The following COLEC10 variants were observed in gnomAD, a reference collection of about 807,000 sequenced individuals.
COLEC10 encodes the protein collectin-10.
COLEC10 carries 22 observed loss-of-function variants against 28.4 expected under a neutral mutation model. The observed-to-expected ratio is 0.78, with a 90% CI of 0.55 to 1.11. COLEC10 has a LOEUF of 1.11. Among genes scored for constraint, COLEC10 ranks in the 50% least tolerant of loss-of-function variants. The pLI is 0.00. For missense variants in COLEC10, 361 were observed against 344.1 expected, an observed-to-expected ratio of 1.05 and a Z score of -0.39; for synonymous variants, 125 against 116.1, an observed-to-expected ratio of 1.08 and a Z score of -0.49.
chr8:119,102,778 G>T, intron 4 of COLEC10: 1 of 185,554 alleles, frequency 5.4e-6, no homozygotes, highest in Non-Finnish European at 1.1e-5. Flanking sequence ...GCAGCAGCCT[G>T]ACCAGATGCA....
Position 119,091,160 on chromosome 8 carries a change from G to A in COLEC10, c.232G>A (p.Glu78Lys). ...GRMGPKGIKG[E>K]LGDMGDQGNI... ...TGTTTGCTTTTCAGGAATTAAAGGA[G>A]AACTGGGTGATATGGGAGATCAGGG... Residue 78 changes from glutamate to lysine, a missense_variant, in exon 3 of 6, where the codon GAA becomes AAA. By Grantham distance (56) the Glu-to-Lys change is moderately conservative. Around this residue, in one of 3 missense-constraint regions of COLEC10, gnomAD observed 335 missense variants for 308.5 expected, o/e 1.09. Transcript: ENST00000332843. 2 of 1,612,848 alleles carry A rather than the reference G, an allele frequency of 1.2e-6. No individual in the cohort carries two copies. Among genetic ancestry groups the A allele is most frequent in the Non-Finnish European group, 1.7e-6 (2 of 1,179,178 alleles).
At chr8:118,992,501 C>A (rs534559891), upstream of COLEC10, among the ~76,000 whole-genome samples, 1 of 152,156 alleles carries the variant, frequency 6.6e-6, no homozygotes, top group Non-Finnish European at 1.5e-5. Flanking sequence ...AGGAAGCTTG[C>A]GATGGGCAGA....
upstream of COLEC10, among the ~76,000 whole-genome samples, chr8:119,065,920 A>C (rs1814946932): frequency 6.6e-6 from 1 of 152,116 alleles, no homozygotes; most frequent in Non-Finnish European, 1.5e-5. Flanking sequence ...TCATCCTGAA[A>C]GTATTTCCCC....
At chr8:118,975,692 T>A in the COLEC10 span, among the ~76,000 whole-genome samples, 1 of 151,972 alleles carries the variant, frequency 6.6e-6, no homozygotes, top group African/African-American at 2.4e-5. Flanking sequence ...AGAGGTGATT[T>A]CCTAAGAGAG....
chr8:119,106,046 A>T lies in COLEC10; in HGVS notation c.689A>T (p.Asn230Ile). ...YMFTDNTPLQ[N>I]YSNWNEGEPS... is the part of the protein sequence containing the mutation. ...TTCACAGACAACACTCCACTGCAGA[A>T]CTATAGCAACTGGAATGAGGGGGAA... Residue 230 changes from asparagine to isoleucine, a missense_variant, in exon 6 of 6, where the codon AAC (asparagine) becomes ATC (isoleucine). Physicochemically the swap from Asn to Ile is moderately radical, Grantham distance 149 (BLOSUM62 -3). Around this residue, in one of 3 missense-constraint regions of COLEC10, gnomAD observed 335 missense variants for 308.5 expected, o/e 1.09. Coordinates refer to ENST00000332843, the MANE Select transcript of COLEC10 (RefSeq NM_006438.5). 1 of 1,613,936 alleles carries T rather than the reference A, an allele frequency of 6.2e-7. No individual in the cohort carries two copies.
the COLEC10 span, among the ~76,000 whole-genome samples, chr8:118,968,092 T>C: frequency 6.6e-6 from 1 of 152,130 alleles, no homozygotes; most frequent in South Asian, 2.1e-4. Flanking sequence ...TAAAATTAGA[T>C]ATTTGTTTTA....
At chr8:119,097,759 C>T (rs1815749654) in intron 3 of COLEC10, among the ~76,000 whole-genome samples, 1 of 151,992 alleles carries the variant, frequency 6.6e-6, no homozygotes, top group Non-Finnish European at 1.5e-5. Flanking sequence ...TGCAGCTATG[C>T]TAAATGTGAT....
chr8:119,100,039 T>G (rs1422953715), intron 3 of COLEC10, among the ~76,000 whole-genome samples: 2 of 152,190 alleles, frequency 1.3e-5, no homozygotes, highest in Admixed American at 6.6e-5. Flanking sequence ...ATATAATGTT[T>G]TAAAAAATCA....
At chr8:118,994,506 C>T (rs1286316964), upstream of COLEC10, among the ~76,000 whole-genome samples, 2 of 152,134 alleles carry the variant, frequency 1.3e-5, no homozygotes, top group Non-Finnish European at 2.9e-5. Context: ...GAATGCTTCA[C>T]GTGTATGTTT....
At chr8:118,992,283 T>C (rs1005776850), upstream of COLEC10, among the ~76,000 whole-genome samples, 6 of 152,172 alleles carry the variant, frequency 3.9e-5, no homozygotes, top group South Asian at 2.1e-4. Context: ...CCTGTCAGTG[T>C]GCTCTTCAGT....
chr8:119,004,856 T>G (rs1586993032), intron 1 of COLEC10, among the ~76,000 whole-genome samples: 1 of 150,490 alleles, frequency 6.6e-6, no homozygotes, highest in Non-Finnish European at 1.5e-5. Flanking sequence ...TTCAAGAGAT[T>G]ATTCTCTGTA....
chr8:119,002,994 C>A (rs1430305451), intron 1 of COLEC10, among the ~76,000 whole-genome samples: 1 of 152,032 alleles, frequency 6.6e-6, no homozygotes, highest in African/African-American at 2.4e-5. Context: ...TCTCCATTGG[C>A]TTAGTTCCAA....
chr8:118,993,088 T>A (rs1813530118), upstream of COLEC10, among the ~76,000 whole-genome samples: 1 of 152,172 alleles, frequency 6.6e-6, no homozygotes, highest in African/African-American at 2.4e-5. Context: ...GCAAAACAGA[T>A]GTTAGTATAA....
chr8:119,000,693 T>C (rs1813679910), intron 1 of COLEC10, among the ~76,000 whole-genome samples: 1 of 152,184 alleles, frequency 6.6e-6, no homozygotes, highest in South Asian at 2.1e-4. Context: ...TAATTGGGTA[T>C]ATTAATAGTA....
the COLEC10 span, among the ~76,000 whole-genome samples, chr8:118,981,632 C>A: frequency 1.3e-5 from 2 of 152,070 alleles, no homozygotes; most frequent in African/African-American, 4.8e-5. Flanking sequence ...GCATTTCCAT[C>A]AAGTCATTGA....
chr8:118,984,039 A>C, the COLEC10 span, among the ~76,000 whole-genome samples: 3 of 152,050 alleles, frequency 2.0e-5, no homozygotes, highest in Non-Finnish European at 4.4e-5. Flanking sequence ...ATAATGTATT[A>C]ATTGCAACAC....
the COLEC10 span, among the ~76,000 whole-genome samples, chr8:118,980,664 A>T: frequency 4.8e-4 from 73 of 152,124 alleles, no homozygotes; most frequent in African/African-American, 1.7e-3. Context: ...AGCTTTCTTG[A>T]AGTATGTTGT....
At chr8:119,102,426 T>G in intron 4 of COLEC10, 25 bp downstream of exon 4, 1 of 1,571,674 alleles carries the variant, frequency 6.4e-7, no homozygotes, top group Non-Finnish European at 8.7e-7. Context: ...ATGTTCTCTT[T>G]GATTTCTAGC....
intron 1 of COLEC10, among the ~76,000 whole-genome samples, chr8:119,078,354 G>C (rs1330945009): frequency 6.6e-6 from 1 of 152,134 alleles, no homozygotes. Context: ...TCTTTGAGTA[G>C]AACAACATTA....
Sources: allele counts gnomAD v4.1 joint callset (sites outside exome capture counted in the v4.1 genomes callset), GRCh38; gene constraint gnomAD v4.1.1; regional missense constraint gnomAD v4.1.1; transcripts MANE v1.5; gene names NCBI Gene and HGNC (gene_info 2026-07-23, HGNC 2026-07-21).